The following TTC28 variants were observed in gnomAD, a reference collection of about 807,000 sequenced individuals.
The protein encoded by TTC28 is tetratricopeptide repeat domain 28.
Under a neutral mutation model 198.0 loss-of-function variants are expected in TTC28, and 61 were observed. The observed-to-expected ratio is 0.31, with a 90% CI of 0.25 to 0.38. TTC28 has a LOEUF of 0.38. Among genes scored for constraint, TTC28 ranks in the 10% least tolerant of loss-of-function variants. TTC28 has a pLI of 1.00. For synonymous variants in TTC28, 1,171 were observed against 1,297.8 expected (o/e 0.90, Z 2.10); for missense variants, 2,678 against 3,164.0 (o/e 0.85, Z 3.69).
intron 2 of TTC28, among the ~76,000 whole-genome samples, chr22:28,429,928 C>A (rs764084641): frequency 6.6e-6 from 1 of 151,796 alleles, no homozygotes; most frequent in Non-Finnish European, 1.5e-5. Flanking sequence ...CAGACTATGA[C>A]TTCTTTGTGG....
intron 2 of TTC28, among the ~76,000 whole-genome samples, chr22:28,623,053 C>T (rs1408661694): frequency 6.6e-6 from 1 of 151,994 alleles, no homozygotes; most frequent in East Asian, 1.9e-4. Context: ...GAACTCCTAA[C>T]CTCAGGTGAT....
intron 2 of TTC28, among the ~76,000 whole-genome samples, chr22:28,344,678 A>G (rs993888346): frequency 6.6e-5 from 10 of 152,170 alleles, no homozygotes; most frequent in Non-Finnish European, 1.3e-4. Context: ...CACTGTTAGG[A>G]TAGTAAAGTT....
intron 1 of TTC28, among the ~76,000 whole-genome samples, chr22:28,633,943 C>T (rs1434762872): frequency 6.6e-6 from 1 of 151,864 alleles, no homozygotes; most frequent in Non-Finnish European, 1.5e-5. Context: ...AGAAATTGCT[C>T]GAAACACTGA....
At chr22:28,141,205 A>T (rs1388075134) in intron 6 of TTC28, among the ~76,000 whole-genome samples, 1 of 152,120 alleles carries the variant, frequency 6.6e-6, no homozygotes, top group Non-Finnish European at 1.5e-5. Flanking sequence ...CACGATTGAA[A>T]ATGTCCCAGC....
chr22:28,170,270 G>A (rs889220649), intron 5 of TTC28, among the ~76,000 whole-genome samples: 7 of 151,928 alleles, frequency 4.6e-5, no homozygotes, highest in African/African-American at 1.2e-4. Flanking sequence ...GGCGGATCAC[G>A]AGGTCAGGAG....
chr22:28,209,880 A>G (rs1352616143), intron 5 of TTC28, among the ~76,000 whole-genome samples: 8 of 152,058 alleles, frequency 5.3e-5, no homozygotes, highest in Non-Finnish European at 1.0e-4. Flanking sequence ...ACTGAGAGAC[A>G]CCTCCCAGTA....
intron 2 of TTC28, among the ~76,000 whole-genome samples, chr22:28,329,841 A>G (rs2045588045): frequency 6.6e-6 from 1 of 152,194 alleles, no homozygotes; most frequent in Non-Finnish European, 1.5e-5. Flanking sequence ...AAATTGAAAC[A>G]GTTTCTTTCT....
rs1208389389 is a variant in TTC28, at chr22:28,629,829, A to G, written c.104T>C (p.Ile35Thr). The G allele has an allele frequency of 2.6e-6, 4 of 1,543,248 alleles. No individual in the cohort carries two copies. The East Asian group carries it at 9.8e-5, about 38-fold the overall frequency. ...AATAGTGTCAGCACCAAAGAGAGGA[A>G]TCTACAAACAAAGAAACTTTATCAG... The part of the protein sequence containing the change: ...EPESPPASAP[I>T]PLFGADTIGQ... Residue 35 changes from isoleucine (I) to threonine (T), a missense_variant and splice_region_variant, in exon 2 of 23, where the codon ATT (isoleucine) becomes ACT (threonine). Around this residue, in one of 8 missense-constraint regions of TTC28, gnomAD observed 176 missense variants for 197.9 expected, o/e 0.89. Transcript: ENST00000397906.
intron 2 of TTC28, among the ~76,000 whole-genome samples, chr22:28,478,910 C>T (rs2048204639): frequency 6.6e-6 from 1 of 152,192 alleles, no homozygotes; most frequent in South Asian, 2.1e-4. Flanking sequence ...TTATTGTCTT[C>T]TCAGGACTTA....
intron 12 of TTC28, among the ~76,000 whole-genome samples, chr22:28,083,435 A>G (rs1158786683): frequency 1.3e-5 from 2 of 152,228 alleles, no homozygotes; most frequent in Non-Finnish European, 2.9e-5. Flanking sequence ...TGCAAAGTCA[A>G]ATTACAAAAA....
intron 2 of TTC28, among the ~76,000 whole-genome samples, chr22:28,474,895 G>A (rs1190289460): frequency 6.6e-6 from 1 of 151,960 alleles, no homozygotes; most frequent in East Asian, 1.9e-4. Flanking sequence ...AAAGTAATTT[G>A]GGGAAAATAG....
intron 13 of TTC28, among the ~76,000 whole-genome samples, chr22:28,017,785 C>G (rs1938430020): frequency 1.3e-5 from 2 of 152,146 alleles, no homozygotes; most frequent in Non-Finnish European, 2.9e-5. Flanking sequence ...AGGGGATGAG[C>G]ATAAGGAGGC....
intron 2 of TTC28, among the ~76,000 whole-genome samples, chr22:28,425,887 G>A (rs963327890): frequency 2.0e-5 from 3 of 152,164 alleles, no homozygotes; most frequent in African/African-American, 7.2e-5. Context: ...GATAGTGGCT[G>A]TCATCATCTC....
chr22:28,370,935 A>G (rs1190543202), intron 2 of TTC28, among the ~76,000 whole-genome samples: 2 of 152,196 alleles, frequency 1.3e-5, no homozygotes, highest in African/African-American at 2.4e-5. Context: ...GAATATCCCC[A>G]GGTGATTCAG....
At chr22:28,663,170 C>T (rs2051777297) in intron 1 of TTC28, among the ~76,000 whole-genome samples, 1 of 151,500 alleles carries the variant, frequency 6.6e-6, no homozygotes, top group Non-Finnish European at 1.5e-5. Flanking sequence ...ATGGCGTGAA[C>T]CCAGGAGGCA....
At chr22:28,677,175 A>ATATAT (rs1291722557) in intron 1 of TTC28, among the ~76,000 whole-genome samples, 4 of 69,444 alleles carry the variant, frequency 5.8e-5, no homozygotes, top group African/African-American at 2.9e-4. Context: ...AAAAAAAAAA[A>ATATAT]ATATATATAT....
At chr22:28,538,688 T>G (rs929792232) in intron 2 of TTC28, among the ~76,000 whole-genome samples, 12 of 151,244 alleles carry the variant, frequency 7.9e-5, no homozygotes, top group African/African-American at 2.4e-4. Context: ...GCCTCTTGAG[T>G]AGCTGGGATT....
At chr22:28,175,125 T>A (rs1020087087) in intron 5 of TTC28, among the ~76,000 whole-genome samples, 1 of 151,158 alleles carries the variant, frequency 6.6e-6, no homozygotes, top group African/African-American at 2.4e-5. Context: ...CTAAATAGAA[T>A]AAGGACTTAG....
chr22:28,248,535 T>TC (rs1930275076), intron 5 of TTC28, among the ~76,000 whole-genome samples: 1 of 151,752 alleles, frequency 6.6e-6, no homozygotes, highest in East Asian at 1.9e-4. Flanking sequence ...AAGTGGCTAA[T>TC]TTTTTTTTCC....
Sources: gnomAD v4.1 joint callset for allele counts (sites outside exome capture counted in the v4.1 genomes callset) on GRCh38, gnomAD v4.1.1 for gene constraint, gnomAD v4.1.1 regional missense constraint, MANE v1.5 for transcripts, NCBI Gene and HGNC (gene_info 2026-07-23, HGNC 2026-07-21) for gene names.